Variants in GRID2 observed in about 807,000 individuals in gnomAD.
GRID2 encodes the protein glutamate receptor ionotropic, delta-2.
A neutral mutation model predicts 114.8 loss-of-function variants in GRID2; 33 were observed. The ratio of observed to expected loss-of-function variants is 0.29; its 90% CI spans 0.22 to 0.38. The LOEUF is 0.38. Among genes scored for constraint, GRID2 ranks in the 10% least tolerant of loss-of-function variants. The pLI is 1.00. For synonymous variants in GRID2, 505 were observed against 449.9 expected (o/e 1.12, Z -1.55); for missense variants, 1,184 against 1,257.7 (o/e 0.94, Z 0.89).
chr4:93,169,178 AC>A (rs1738555220), intron 4 of GRID2, among the ~76,000 whole-genome samples: 1 of 150,570 alleles, frequency 6.6e-6, no homozygotes, highest in African/African-American at 2.4e-5. Context: ...ACACACACAC[AC>A]ACACAAACTT....
At position 92,426,629 on chromosome 4, in the gene GRID2, T is replaced by C. The variant is rs189351445; in HGVS notation, c.88+121885T>C. ...TATGAAGAGCAACAGTATGAAATGC[T>C]TCCCCTTTGGAAATACAATCACAAA... On this transcript the variant is annotated intron_variant, in intron 1 of 15. Transcript: ENST00000282020. 2.0e-5 allele frequency among the ~76,000 whole-genome samples: 3 copies of C among 152,250 alleles called. No individual in the cohort carries two copies. The East Asian group carries it at 5.8e-4, about 29-fold the overall frequency.
At chr4:92,678,496 A>T (rs1385582957) in intron 2 of GRID2, among the ~76,000 whole-genome samples, 2 of 152,090 alleles carry the variant, frequency 1.3e-5, no homozygotes, top group Non-Finnish European at 2.9e-5. Flanking sequence ...AGTCTGAAGT[A>T]ATTCAATACG....
intron 2 of GRID2, among the ~76,000 whole-genome samples, chr4:92,818,014 T>C (rs1475281283): frequency 6.6e-6 from 1 of 152,174 alleles, no homozygotes; most frequent in Non-Finnish European, 1.5e-5. Flanking sequence ...CTGACCTCAA[T>C]CATATTCATG....
At chr4:93,413,681 T>G (rs114930373) in intron 9 of GRID2, among the ~76,000 whole-genome samples, 1,897 of 152,280 alleles carry the variant, frequency 0.012, 45 homozygotes, top group African/African-American at 0.043. Flanking sequence ...CCCTCAATGG[T>G]TGCTGTTAAA....
chr4:93,128,062 A>AAAAAAAG (rs1253120669), intron 4 of GRID2, among the ~76,000 whole-genome samples: 1 of 134,766 alleles, frequency 7.4e-6, no homozygotes, highest in African/African-American at 2.8e-5. Context: ...AAAAAAAACA[A>AAAAAAAG]CAGTACGTGC....
chr4:92,352,062 C>A (rs1227992581), intron 1 of GRID2, among the ~76,000 whole-genome samples: 3 of 151,776 alleles, frequency 2.0e-5, no homozygotes, highest in Non-Finnish European at 4.4e-5. Flanking sequence ...ATTTTTAGAT[C>A]TATGAGGAAC....
chr4:92,552,876 C>T (rs1460846517), intron 1 of GRID2, among the ~76,000 whole-genome samples: 1 of 152,186 alleles, frequency 6.6e-6, no homozygotes, highest in Non-Finnish European at 1.5e-5. Flanking sequence ...CCATCTCAGG[C>T]ATAGCTGAAC....
At chr4:92,746,369 A>T (rs2149335128) in intron 2 of GRID2, among the ~76,000 whole-genome samples, 1 of 152,260 alleles carries the variant, frequency 6.6e-6, no homozygotes, top group Admixed American at 6.5e-5. Flanking sequence ...TTTAGAAAGA[A>T]AATTTATATG....
At chr4:93,124,564 C>A (rs1467871367) in intron 4 of GRID2, among the ~76,000 whole-genome samples, 1 of 152,164 alleles carries the variant, frequency 6.6e-6, no homozygotes, top group South Asian at 2.1e-4. Flanking sequence ...GGAGTCCGAA[C>A]CTATTTGCCA....
At chr4:93,083,253 A>G (rs947629222) in intron 2 of GRID2, among the ~76,000 whole-genome samples, 1 of 152,192 alleles carries the variant, frequency 6.6e-6, no homozygotes, top group African/African-American at 2.4e-5. Context: ...CAAAATAATG[A>G]AATAAAAATT....
intron 2 of GRID2, among the ~76,000 whole-genome samples, chr4:92,912,984 C>G (rs938344842): frequency 6.6e-6 from 1 of 151,736 alleles, no homozygotes; most frequent in Non-Finnish European, 1.5e-5. Flanking sequence ...ATTTGTTTTA[C>G]TTCCTTATAT....
chr4:93,063,640 G>A (rs1728003318), intron 2 of GRID2, among the ~76,000 whole-genome samples: 1 of 151,634 alleles, frequency 6.6e-6, no homozygotes, highest in African/African-American at 2.4e-5. Context: ...TTCATCTTTG[G>A]GACTAAATAT....
chr4:92,331,973 T>G (rs1046189422), intron 1 of GRID2, among the ~76,000 whole-genome samples: 24 of 152,146 alleles, frequency 1.6e-4, no homozygotes, highest in Admixed American at 1.5e-3. Context: ...ATTAAACCAT[T>G]GCATGTGATT....
intron 1 of GRID2, among the ~76,000 whole-genome samples, chr4:93,790,880 C>T (rs751000917): frequency 1.3e-5 from 2 of 152,166 alleles, no homozygotes; most frequent in Non-Finnish European, 2.9e-5. Flanking sequence ...TCCCACAAAA[C>T]AGAAGTAATA....
chr4:92,916,383 A>C (rs1748794258), intron 2 of GRID2, among the ~76,000 whole-genome samples: 1 of 152,082 alleles, frequency 6.6e-6, no homozygotes, highest in African/African-American at 2.4e-5. Context: ...ATTATACTTT[A>C]AGATTTAGGG....
At chr4:92,712,500 T>C (rs1464730044) in intron 2 of GRID2, among the ~76,000 whole-genome samples, 1 of 152,152 alleles carries the variant, frequency 6.6e-6, no homozygotes, top group Non-Finnish European at 1.5e-5. Flanking sequence ...TTAACAATTA[T>C]GGTTTCTAAT....
At chr4:92,517,958 G>T (rs1440717286) in intron 1 of GRID2, among the ~76,000 whole-genome samples, 1 of 151,772 alleles carries the variant, frequency 6.6e-6, no homozygotes, top group Non-Finnish European at 1.5e-5. Context: ...GCAATAACAA[G>T]ATTTTATAAG....
chr4:93,227,623 T>C (rs1745646704), intron 7 of GRID2, among the ~76,000 whole-genome samples: 1 of 152,244 alleles, frequency 6.6e-6, no homozygotes, highest in Non-Finnish European at 1.5e-5. Context: ...CTTTAAGTCG[T>C]TTATTTTTCT....
intron 10 of GRID2, among the ~76,000 whole-genome samples, chr4:93,452,312 T>A (rs1285654988): frequency 6.6e-6 from 1 of 152,136 alleles, no homozygotes; most frequent in Non-Finnish European, 1.5e-5. Flanking sequence ...AATTAAGAAG[T>A]ACTTTTTCCA....
Sources: gnomAD v4.1 joint callset for allele counts (sites outside exome capture counted in the v4.1 genomes callset) on GRCh38, gnomAD v4.1.1 for gene constraint, MANE v1.5 for transcripts, NCBI Gene and HGNC (gene_info 2026-07-23, HGNC 2026-07-21) for gene names.